The following SEMA6A variants were observed in gnomAD, a reference collection of about 807,000 sequenced individuals.
SEMA6A encodes semaphorin-6A.
A neutral mutation model predicts 96.8 loss-of-function variants in SEMA6A; 25 were observed. That is an observed-to-expected ratio of 0.26 (90% CI 0.19 to 0.36). The LOEUF is 0.36. SEMA6A is among the 10% of genes least tolerant of loss of function. The pLI, the probability that SEMA6A is intolerant of heterozygous loss-of-function variation, is 1.00. For missense variants in SEMA6A, 1,363 were observed against 1,323.1 expected, an observed-to-expected ratio of 1.03 and a Z score of -0.47; for synonymous variants, 612 against 518.0, an observed-to-expected ratio of 1.18 and a Z score of -2.46.
chr5:116,525,455 A>C (rs1426014478), intron 1 of SEMA6A, among the ~76,000 whole-genome samples: 1 of 152,192 alleles, frequency 6.6e-6, no homozygotes, highest in Non-Finnish European at 1.5e-5. Context: ...CTGGAAACTC[A>C]AAGTATCCTC....
At position 116,462,272 on chromosome 5, in the gene SEMA6A, G is replaced by A. The variant is rs200241198; in HGVS notation, c.1894+5311C>T. Among the ~76,000 whole-genome samples, 31 of 152,322 alleles carry A rather than the reference G, an allele frequency of 2.0e-4. 1 individual carries two copies. In the East Asian group the frequency reaches 6.0e-3, roughly 29 times the overall value. On this transcript the variant is annotated intron_variant, in intron 18 of 18. Transcript: ENST00000343348. ...TCTGTTAATAAAGACAGCTGACACT[G>A]AAGGCTTGGAACTTAGAATAGGTAA...
At chr5:116,488,284 T>C in intron 8 of SEMA6A, 88 bp from the exon 9 acceptor site, 1 of 868,838 alleles carries the variant, frequency 1.2e-6, no homozygotes, top group Admixed American at 2.1e-5. Flanking sequence ...ATGTTATTAA[T>C]TAAAAGTGTA....
chr5:116,476,173 A>G (rs1756437846), intron 15 of SEMA6A, among the ~76,000 whole-genome samples: 1 of 152,114 alleles, frequency 6.6e-6, no homozygotes, highest in Admixed American at 6.5e-5. Flanking sequence ...CCTTGGGAGT[A>G]TTACTCTCAT....
intron 1 of SEMA6A, among the ~76,000 whole-genome samples, chr5:116,573,583 C>T (rs1339420837): frequency 2.0e-5 from 3 of 151,924 alleles, no homozygotes; most frequent in African/African-American, 7.3e-5. Context: ...ACAGGGCGCG[C>T]GGGTGCCTAG....
intron 1 of SEMA6A, among the ~76,000 whole-genome samples, chr5:116,572,304 T>TA (rs1761250622): frequency 1.3e-5 from 2 of 151,984 alleles, no homozygotes; most frequent in Non-Finnish European, 2.9e-5. Context: ...AAGCTGAGCG[T>TA]AAAAAAAGGA....
intron 18 of SEMA6A, among the ~76,000 whole-genome samples, chr5:116,453,744 G>T (rs1245224981): frequency 6.6e-6 from 1 of 152,114 alleles, no homozygotes; most frequent in Admixed American, 6.5e-5. Flanking sequence ...CAGTATCATT[G>T]CATCAAAAGC....
rs749131078 is a variant in SEMA6A, at chr5:116,447,685, C to T, written c.2021G>A (p.Cys674Tyr). The change falls in exon 19 of 19, where the codon TGT becomes TAT. Residue 674 changes from cysteine to tyrosine, a missense_variant. Around this residue, in one of 2 missense-constraint regions of SEMA6A, gnomAD observed 883 missense variants for 763.6 expected, o/e 1.16. Coordinates refer to ENST00000343348, the MANE Select transcript of SEMA6A (RefSeq NM_020796.5). The stretch of plus-strand genomic sequence containing the variant: ...AGCCACGTCTTTGCGCCGATGATCA[C>T]AGACGCAGTAGACGGTGATGCCCGA... ...VFSGITVYCV[C>Y]DHRRKDVAVV... 2 of 1,614,024 alleles carry T rather than the reference C, an allele frequency of 1.2e-6. No homozygotes were observed. The highest frequency in any genetic ancestry group is 2.2e-5 in the South Asian group (2 of 91,086).
intron 1 of SEMA6A, among the ~76,000 whole-genome samples, chr5:116,568,818 T>TTG (rs199584150): frequency 0.016 from 1,409 of 90,574 alleles, 21 homozygotes; most frequent in African/African-American, 0.043. Context: ...GCTTGGAAGA[T>TTG]TGTACACACA....
chr5:116,509,354 C>A (rs1465150826), intron 1 of SEMA6A, among the ~76,000 whole-genome samples: 2 of 152,160 alleles, frequency 1.3e-5, no homozygotes, highest in Non-Finnish European at 2.9e-5. Context: ...TTCAGTAATT[C>A]TTTTAAAAAG....
At chr5:116,523,954 C>G (rs1759088832) in intron 1 of SEMA6A, among the ~76,000 whole-genome samples, 1 of 152,206 alleles carries the variant, frequency 6.6e-6, no homozygotes, top group Admixed American at 6.5e-5. Flanking sequence ...CTTGTGCCAG[C>G]TGCATGGAGT....
At chr5:116,474,278 G>GCGCACACACACACA (rs1554083459) in intron 16 of SEMA6A, among the ~76,000 whole-genome samples, 17 of 147,392 alleles carry the variant, frequency 1.2e-4, no homozygotes, top group African/African-American at 3.2e-4. Context: ...GTGCACGCAT[G>GCGCACACACACACA]CACACACACA....
At chr5:116,565,487 A>C (rs1760988073) in intron 1 of SEMA6A, among the ~76,000 whole-genome samples, 1 of 152,244 alleles carries the variant, frequency 6.6e-6, no homozygotes, top group Admixed American at 6.5e-5. Flanking sequence ...AAGAATTAGC[A>C]CAGAATCCGT....
At chr5:116,486,509 G>C (rs1757055763) in intron 10 of SEMA6A, 2 of 466,164 alleles carry the variant, frequency 4.3e-6, no homozygotes, top group East Asian at 3.7e-5. Flanking sequence ...TATATACCAG[G>C]CTTATATAAA....
In SEMA6A at chr5:116,506,579, G is replaced by T. The variant is rs184706443; in HGVS notation, c.-38-1597C>A. ...GAAGTGCCCTGATTTGCTTCTCATG[G>T]CTCCTGTTCAGTACAGCATTAAAGG... On this transcript the variant is annotated intron_variant, in intron 1 of 18. Coordinates refer to ENST00000343348, the MANE Select transcript of SEMA6A (RefSeq NM_020796.5). Among the ~76,000 whole-genome samples the T allele has an allele frequency of 1.5e-3, 232 of 152,006 alleles. 1 individual carries two copies. The highest frequency in any genetic ancestry group is 5.4e-3 in the African/African-American group (224 of 41,440).
intron 1 of SEMA6A, among the ~76,000 whole-genome samples, chr5:116,568,003 T>G (rs1480530906): frequency 1.3e-5 from 2 of 152,234 alleles, no homozygotes; most frequent in Non-Finnish European, 2.9e-5. Context: ...ATTAATAAAG[T>G]TGCTATCCAT....
intron 17 of SEMA6A, chr5:116,472,266 C>T (rs960305786): frequency 1.3e-5 from 2 of 152,170 alleles, no homozygotes; most frequent in African/African-American, 4.8e-5. Flanking sequence ...TTGTGTATTT[C>T]AGACCAAGAA....
chr5:116,448,010 T>C (rs1193204540), intron 18 of SEMA6A, among the ~76,000 whole-genome samples, 199 bp from the exon 19 acceptor site: 3 of 151,964 alleles, frequency 2.0e-5, no homozygotes, highest in Non-Finnish European at 4.4e-5. Flanking sequence ...GTAAATGGAC[T>C]CCATTTGTAG....
intron 14 of SEMA6A, 36 bp downstream of exon 14, chr5:116,477,978 T>A (rs200109542): frequency 3.1e-6 from 5 of 1,613,868 alleles, no homozygotes; most frequent in Admixed American, 1.7e-5. Context: ...CTAGCCACCA[T>A]GGACTTTCTA....
chr5:116,451,970 A>G (rs79072487), intron 18 of SEMA6A, among the ~76,000 whole-genome samples: 7,912 of 151,874 alleles, frequency 0.052, 275 homozygotes, highest in East Asian at 0.12. Flanking sequence ...ATAATTAGAA[A>G]AAAAAAAAAT....
Sources: gnomAD v4.1 joint callset for allele counts (sites outside exome capture counted in the v4.1 genomes callset) on GRCh38, gnomAD v4.1.1 for gene constraint, gnomAD v4.1.1 regional missense constraint, MANE v1.5 for transcripts, NCBI Gene and HGNC (gene_info 2026-07-23, HGNC 2026-07-21) for gene names.